ARL15: variants seen among roughly 807,000 people sequenced by gnomAD.
ARL15 encodes ADP-ribosylation factor-like protein 15.
In ARL15, 19 loss-of-function variants were observed where a neutral mutation model predicts 25.2. That is an observed-to-expected ratio of 0.75 (90% CI 0.53 to 1.10). The LOEUF is 1.10. ARL15 is among the 50% of genes least tolerant of loss of function. The pLI is 0.00. For synonymous variants in ARL15, 94 were observed against 86.8 expected, an observed-to-expected ratio of 1.08 and a Z score of -0.46; for missense variants, 220 against 246.0, an observed-to-expected ratio of 0.89 and a Z score of 0.71.
At chr5:54,138,321 A>G (rs1753666944) in intron 3 of ARL15, among the ~76,000 whole-genome samples, 1 of 152,178 alleles carries the variant, frequency 6.6e-6, no homozygotes, top group Admixed American at 6.6e-5. Context: ...CTAAAAAAAT[A>G]AAAATAAAAA....
chr5:54,229,219 G>A (rs943538960), intron 1 of ARL15, among the ~76,000 whole-genome samples: 7 of 152,162 alleles, frequency 4.6e-5, no homozygotes, highest in African/African-American at 1.7e-4. Context: ...AGTAGCAAAA[G>A]CCTGTTGGGT....
rs143921462 is a variant in ARL15 at position 54,262,878 on chromosome 5, A to G, written c.48+47554T>C. Among the ~76,000 whole-genome samples, 1,283 of 152,270 alleles carry G rather than the reference A, an allele frequency of 8.4e-3. 27 individuals carry two copies. Among genetic ancestry groups the G allele is most frequent in the African/African-American group, 0.029 (1,224 of 41,540 alleles). ...TTCAGTGGAATGAACAGGCACTTTA[A>G]TTCTGTTTGCCGGGCACTGGCAACA... On this transcript the variant is annotated intron_variant, in intron 1 of 4. Transcript: ENST00000504924.
At chr5:54,187,287 T>C (rs892855560) in intron 1 of ARL15, among the ~76,000 whole-genome samples, 3 of 152,156 alleles carry the variant, frequency 2.0e-5, no homozygotes, top group African/African-American at 7.2e-5. Flanking sequence ...GGGCCCTGGC[T>C]ACCAGGTTGT....
At chr5:53,991,468 G>GGAGGCAGAGGTTGCAGTGAGCT (rs1748489916) in intron 4 of ARL15, among the ~76,000 whole-genome samples, 1 of 148,228 alleles carries the variant, frequency 6.7e-6, no homozygotes, top group Admixed American at 6.8e-5. Context: ...CTTGAACCTG[G>GGAGGCAGAGGTTGCAGTGAGCT]GAGGCGGAGG....
intron 4 of ARL15, among the ~76,000 whole-genome samples, chr5:53,998,646 T>C (rs760665666): frequency 4.6e-5 from 7 of 152,196 alleles, no homozygotes; most frequent in Non-Finnish European, 7.3e-5. Flanking sequence ...GATGAGGGCA[T>C]GAAAAGTCTT....
intron 4 of ARL15, among the ~76,000 whole-genome samples, chr5:53,979,113 A>G (rs1748038051): frequency 6.6e-6 from 1 of 152,218 alleles, no homozygotes; most frequent in African/African-American, 2.4e-5. Context: ...CTTTCAGAAC[A>G]GCACATCTAG....
At chr5:54,109,613 C>T (rs1243951482) in intron 4 of ARL15, among the ~76,000 whole-genome samples, 1 of 151,962 alleles carries the variant, frequency 6.6e-6, no homozygotes, top group African/African-American at 2.4e-5. Context: ...GAAGTATGCT[C>T]TCCTATGGGA....
intron 4 of ARL15, among the ~76,000 whole-genome samples, chr5:53,929,143 T>C (rs1324727197): frequency 7.2e-6 from 1 of 138,794 alleles, no homozygotes; most frequent in Non-Finnish European, 1.5e-5. Flanking sequence ...TTTGTTTAGA[T>C]AAGCATTCCA....
At chr5:53,939,978 C>CT (rs11344083) in intron 4 of ARL15, among the ~76,000 whole-genome samples, 50 of 121,844 alleles carry the variant, frequency 4.1e-4, no homozygotes, top group East Asian at 9.8e-4. Context: ...AAGTCCTGAA[C>CT]TTTTTTTTTT....
In ARL15 at chr5:54,054,784, C is replaced by T. The variant is rs1291209906; in HGVS notation, c.462+58418G>A. On this transcript the variant is annotated intron_variant, in intron 4 of 4. Transcript: ENST00000504924. ...CAGCCTGGGTTACAGAGAGAGACTC[C>T]GTCTCAAAAAAATAAAAGAATACTA... is the stretch of plus-strand genomic sequence containing the variant. Among the ~76,000 whole-genome samples, 4 of 151,722 alleles carry T rather than the reference C, an allele frequency of 2.6e-5. 1 individual carries two copies. Among genetic ancestry groups the T allele is most frequent in the South Asian group, 4.2e-4 (2 of 4,814 alleles).
intron 4 of ARL15, among the ~76,000 whole-genome samples, chr5:53,985,926 A>T (rs898694161): frequency 3.3e-5 from 5 of 152,162 alleles, no homozygotes; most frequent in Non-Finnish European, 7.3e-5. Context: ...CACTCAAAAG[A>T]CAGCCTTCAC....
intron 1 of ARL15, among the ~76,000 whole-genome samples, chr5:54,217,215 T>TAAA (rs1334045702): frequency 8.1e-6 from 1 of 123,476 alleles, no homozygotes; most frequent in Non-Finnish European, 1.8e-5. Flanking sequence ...TTTTTTTTTT[T>TAAA]AAAAAGGGAG....
intron 1 of ARL15, among the ~76,000 whole-genome samples, chr5:54,264,564 C>T (rs563044229): frequency 2.0e-5 from 3 of 152,260 alleles, no homozygotes; most frequent in African/African-American, 7.2e-5. Context: ...GATGATCTGG[C>T]CTCTTATTTC....
intron 4 of ARL15, among the ~76,000 whole-genome samples, chr5:53,929,942 T>C (rs1323771883): frequency 1.3e-5 from 2 of 152,214 alleles, no homozygotes; most frequent in South Asian, 2.1e-4. Context: ...TTACTTATGC[T>C]CTGTTCTTAG....
At chr5:54,053,033 A>G (rs1360958378) in intron 4 of ARL15, among the ~76,000 whole-genome samples, 1 of 152,206 alleles carries the variant, frequency 6.6e-6, no homozygotes, top group Admixed American at 6.5e-5. Context: ...AATTAAAAGA[A>G]CATCCTATGC....
At chr5:54,228,392 T>A (rs992689201) in intron 1 of ARL15, among the ~76,000 whole-genome samples, 5 of 152,140 alleles carry the variant, frequency 3.3e-5, no homozygotes, top group Non-Finnish European at 7.4e-5. Context: ...GGGGGTAGAA[T>A]AGGTTCAATA....
At chr5:54,298,371 C>T (rs555364656) in intron 1 of ARL15, among the ~76,000 whole-genome samples, 1 of 152,222 alleles carries the variant, frequency 6.6e-6, no homozygotes, top group South Asian at 2.1e-4. Flanking sequence ...CAACTACCAA[C>T]CCTCTGTGTC....
At chr5:53,954,344 G>A (rs993625871) in intron 4 of ARL15, among the ~76,000 whole-genome samples, 1 of 152,160 alleles carries the variant, frequency 6.6e-6, no homozygotes, top group Non-Finnish European at 1.5e-5. Flanking sequence ...CTCTGCCAAG[G>A]TGTAGAACTT....
chr5:54,276,525 C>T (rs1757935202), intron 1 of ARL15, among the ~76,000 whole-genome samples: 1 of 152,192 alleles, frequency 6.6e-6, no homozygotes, highest in Non-Finnish European at 1.5e-5. Flanking sequence ...ACAGATTGTA[C>T]TAAGGCCTAA....
Sources: gnomAD v4.1 joint callset for allele counts (sites outside exome capture counted in the v4.1 genomes callset) on GRCh38, gnomAD v4.1.1 for gene constraint, MANE v1.5 for transcripts, NCBI Gene and HGNC (gene_info 2026-07-23, HGNC 2026-07-21) for gene names.